PPM1L: variants seen among roughly 807,000 people sequenced by gnomAD.
The protein encoded by PPM1L is protein phosphatase 1L.
In PPM1L, 13 loss-of-function variants were observed where a neutral mutation model predicts 31.4. The observed-to-expected ratio is 0.41, with a 90% CI of 0.27 to 0.66. The LOEUF (loss-of-function observed/expected upper bound fraction) is 0.66. Ranked by LOEUF, PPM1L falls within the 30% of genes least tolerant of loss-of-function variation. PPM1L has a pLI of 0.29. For synonymous variants in PPM1L, 184 were observed against 175.4 expected (o/e 1.05, Z -0.39); for missense variants, 326 against 453.7 (o/e 0.72, Z 2.56).
intron 1 of PPM1L, among the ~76,000 whole-genome samples, chr3:160,773,013 A>G (rs1412513001): frequency 6.6e-6 from 1 of 152,172 alleles, no homozygotes; most frequent in Admixed American, 6.5e-5. Flanking sequence ...ATGAACCTTC[A>G]TGTACAAGCC....
At chr3:160,937,760 C>G (rs931659320) in intron 1 of PPM1L, among the ~76,000 whole-genome samples, 1 of 152,162 alleles carries the variant, frequency 6.6e-6, no homozygotes, top group Non-Finnish European at 1.5e-5. Flanking sequence ...GTCAAGGTCC[C>G]AAATGTTTTA....
At chr3:160,858,629 C>T (rs1711798120) in intron 1 of PPM1L, among the ~76,000 whole-genome samples, 1 of 152,062 alleles carries the variant, frequency 6.6e-6, no homozygotes, top group African/African-American at 2.4e-5. Context: ...CAGTTTCACC[C>T]TTTACTTATT....
At chr3:160,959,925 C>T (rs1715897422) in intron 1 of PPM1L, among the ~76,000 whole-genome samples, 1 of 152,054 alleles carries the variant, frequency 6.6e-6, no homozygotes, top group African/African-American at 2.4e-5. Context: ...ATGCTAAATA[C>T]ACTATATATA....
intron 1 of PPM1L, among the ~76,000 whole-genome samples, chr3:160,764,490 A>G (rs900271767): frequency 3.4e-5 from 5 of 148,720 alleles, no homozygotes; most frequent in Admixed American, 6.7e-5. Context: ...TTTTTTTAAG[A>G]CGGTGTCTTG....
rs751239367 is a variant in PPM1L, at chr3:160,961,792, G to A, written c.456G>A (p.Gln152=). The A allele has an allele frequency of 1.0e-4, 165 of 1,603,340 alleles. No homozygotes were observed. The highest frequency in any genetic ancestry group is 1.3e-4 in the Non-Finnish European group (150 of 1,175,624). ...RLPEALKQHL[Q]DYEKDKENSV... ...CAGAGGCCCTTAAACAGCATCTTCA[G>A]GACTACGAGAAAGACAAAGAAAATA... Residue 152 remains glutamine (Q), a synonymous_variant, in exon 2 of 4, where the codon CAG becomes CAA. Transcript: ENST00000498165.
intron 1 of PPM1L, among the ~76,000 whole-genome samples, chr3:160,835,918 CA>C (rs772180146): frequency 6.6e-6 from 1 of 151,864 alleles, no homozygotes; most frequent in Non-Finnish European, 1.5e-5. Context: ...TGACATTATC[CA>C]GGGGGTATCT....
At chr3:161,045,935 C>T (rs1348801280) in intron 2 of PPM1L, among the ~76,000 whole-genome samples, 2 of 151,648 alleles carry the variant, frequency 1.3e-5, no homozygotes, top group Non-Finnish European at 1.5e-5. Context: ...CACAGTGAAA[C>T]CGTTTCTCTA....
rs539633544 is a variant in PPM1L, at chr3:161,038,328, TAG to T, written c.575-27071_575-27070del. Among the ~76,000 whole-genome samples, 58 of 152,170 alleles carry T rather than the reference TAG, an allele frequency of 3.8e-4. 1 individual carries two copies. In the South Asian group the frequency reaches 0.01, roughly 27 times the overall value. ...AGAGTTTTATTTTTCTTGTATTTTT[TAG>T]AGACAGGGTCTCTCTCTGTCACCCA... On this transcript the variant is annotated intron_variant, in intron 2 of 3. Coordinates refer to ENST00000498165, the MANE Select transcript of PPM1L (RefSeq NM_139245.4).
chr3:160,944,831 C>CATATAT (rs531562786), intron 1 of PPM1L, among the ~76,000 whole-genome samples: 2 of 20,746 alleles, frequency 9.6e-5, no homozygotes, highest in African/African-American at 2.4e-4. Context: ...TTATATATAA[C>CATATAT]ATATATATGT....
At chr3:161,036,121 G>C (rs779127360) in intron 2 of PPM1L, 1 of 152,152 alleles carries the variant, frequency 6.6e-6, no homozygotes, top group Non-Finnish European at 1.5e-5. Flanking sequence ...AATTATCCAG[G>C]TCAGTGTGGG....
intron 1 of PPM1L, among the ~76,000 whole-genome samples, chr3:160,826,501 G>A (rs1450629580): frequency 6.6e-6 from 1 of 152,122 alleles, no homozygotes; most frequent in African/African-American, 2.4e-5. Flanking sequence ...TATATTAATA[G>A]CAACAAAAAT....
At chr3:161,012,498 G>A (rs2108064257) in intron 2 of PPM1L, among the ~76,000 whole-genome samples, 1 of 151,890 alleles carries the variant, frequency 6.6e-6, no homozygotes, top group Non-Finnish European at 1.5e-5. Context: ...TTGTGTCTCT[G>A]CCCGGCTTTG....
At chr3:160,960,937 T>C (rs1225044871) in intron 1 of PPM1L, among the ~76,000 whole-genome samples, 1 of 152,196 alleles carries the variant, frequency 6.6e-6, no homozygotes, top group East Asian at 1.9e-4. Flanking sequence ...TCTTCCTTCC[T>C]ACCCCCATGT....
chr3:161,019,184 C>CTGTTGT (rs1229798767), intron 2 of PPM1L, among the ~76,000 whole-genome samples: 1 of 152,036 alleles, frequency 6.6e-6, no homozygotes, highest in South Asian at 2.1e-4. Flanking sequence ...TCTGGGTTTG[C>CTGTTGT]TGTTGTTGTT....
chr3:160,883,751 G>A (rs906109069), intron 1 of PPM1L, among the ~76,000 whole-genome samples: 2 of 151,836 alleles, frequency 1.3e-5, no homozygotes, highest in East Asian at 1.9e-4. Context: ...CAGATTGGGT[G>A]TAATTCCCAG....
chr3:160,841,263 A>T (rs1014069729), intron 1 of PPM1L, among the ~76,000 whole-genome samples: 13 of 152,092 alleles, frequency 8.5e-5, no homozygotes, highest in Admixed American at 4.6e-4. Context: ...ATTAAGACCC[A>T]TTCCAGAACC....
At chr3:161,010,669 ATCCTC>A (rs1485402469) in intron 2 of PPM1L, among the ~76,000 whole-genome samples, 1 of 152,148 alleles carries the variant, frequency 6.6e-6, no homozygotes, top group Non-Finnish European at 1.5e-5. Context: ...ATTTCTCCAC[ATCCTC>A]TCCAGCACCT....
At chr3:161,012,330 G>C (rs1275620902) in intron 2 of PPM1L, among the ~76,000 whole-genome samples, 4 of 152,114 alleles carry the variant, frequency 2.6e-5, no homozygotes, top group Admixed American at 1.3e-4. Context: ...TTATTGATTT[G>C]CGTATGTTGA....
At chr3:160,952,891 G>T (rs758338418) in intron 1 of PPM1L, among the ~76,000 whole-genome samples, 26 of 152,150 alleles carry the variant, frequency 1.7e-4, no homozygotes, top group Non-Finnish European at 3.5e-4. Flanking sequence ...GTTTAATGGA[G>T]CTTGAGGGTT....
Sources: gnomAD v4.1 joint callset for allele counts (sites outside exome capture counted in the v4.1 genomes callset) on GRCh38, gnomAD v4.1.1 for gene constraint, MANE v1.5 for transcripts, NCBI Gene and HGNC (gene_info 2026-07-23, HGNC 2026-07-21) for gene names.